The following AFF3 variants were observed in gnomAD, a reference collection of about 807,000 sequenced individuals.
AFF3 encodes the protein AF4/FMR2 family member 3.
A neutral mutation model predicts 129.7 loss-of-function variants in AFF3; 32 were observed. That is an observed-to-expected ratio of 0.25 (90% CI 0.19 to 0.33). The LOEUF (loss-of-function observed/expected upper bound fraction) is 0.33, where lower values mean the gene tolerates loss of function less well. Among genes scored for constraint, AFF3 ranks in the 10% least tolerant of loss-of-function variants. AFF3 has a pLI of 1.00. For synonymous variants in AFF3, 644 were observed against 635.4 expected (o/e 1.01, Z -0.20); for missense variants, 1,373 against 1,592.0 (o/e 0.86, Z 2.34).
chr2:100,107,614 C>T, intron 2 of AFF3: 1 of 651,112 alleles, frequency 1.5e-6, no homozygotes, highest in Non-Finnish European at 1.9e-6. Flanking sequence ...TGAATCAAAC[C>T]ACCCAGCTAA....
At position 99,549,871 on chromosome 2, in the gene AFF3, G is replaced by A; in HGVS notation, c.*1603C>T. 4.5e-6 allele frequency: 1 copy of A among 222,164 alleles called. No homozygotes were observed. The highest frequency in any genetic ancestry group is 6.6e-5 in the East Asian group (1 of 15,246). 13.8% of individuals were successfully genotyped at this position (222,164 alleles called of 1,614,324 possible). A position where few individuals can be genotyped will look rare whatever the true frequency, so the allele number is the denominator to read the frequency against. ...TGTAAGAATATCAGTGAATGTTTAT[G>A]GATCAGCATCTAGTCTAAGTATTTT... is the stretch of plus-strand genomic sequence containing the variant. On this transcript the variant is annotated 3_prime_UTR_variant, in exon 25 of 25. Coordinates refer to ENST00000672756, the MANE Select transcript of AFF3 (RefSeq NM_001386135.1).
At chr2:99,676,714 C>T (rs555644127) in intron 11 of AFF3, among the ~76,000 whole-genome samples, 1 of 152,268 alleles carries the variant, frequency 6.6e-6, no homozygotes, top group East Asian at 1.9e-4. Flanking sequence ...GCCATTTGCT[C>T]TATTTTCAGG....
At position 99,676,216 on chromosome 2, in the gene AFF3, T is replaced by C. The variant is rs187346445; in HGVS notation, c.1092-3627A>G. On this transcript the variant is annotated intron_variant, in intron 11 of 24. Coordinates refer to ENST00000672756, the MANE Select transcript of AFF3 (RefSeq NM_001386135.1). ...ACGTTCCCTTAGCCCCTCCCCTTCA[T>C]AGCTCTTCAGATCCCTCCCAGGGGA... 1.2e-4 allele frequency among the ~76,000 whole-genome samples: 19 copies of C among 152,232 alleles called. No homozygotes were observed. In the East Asian group the frequency reaches 3.5e-3, roughly 28 times the overall value.
intron 4 of AFF3, among the ~76,000 whole-genome samples, chr2:100,063,700 G>A (rs906710563): frequency 1.3e-5 from 2 of 152,110 alleles, no homozygotes; most frequent in African/African-American, 4.8e-5. Flanking sequence ...GAATAGAAAG[G>A]AAGGAGGAAA....
chr2:100,123,347 A>G (rs1263741670), intron 2 of AFF3, among the ~76,000 whole-genome samples: 1 of 152,234 alleles, frequency 6.6e-6, no homozygotes, highest in African/African-American at 2.4e-5. Context: ...GTCTTGTTAC[A>G]TAGGTGGAAG....
chr2:99,568,014 C>T (rs895547771), intron 19 of AFF3, among the ~76,000 whole-genome samples: 1 of 152,110 alleles, frequency 6.6e-6, no homozygotes, highest in Admixed American at 6.5e-5. Flanking sequence ...CCTCCTGTAC[C>T]CCAGTGTACA....
chr2:99,688,086 C>A (rs1336902085), intron 11 of AFF3, among the ~76,000 whole-genome samples: 1 of 152,220 alleles, frequency 6.6e-6, no homozygotes, highest in African/African-American at 2.4e-5. Flanking sequence ...TCGTGATCCG[C>A]CCGCCTCGGC....
intron 8 of AFF3, among the ~76,000 whole-genome samples, chr2:99,805,886 C>T (rs528837854): frequency 6.6e-6 from 1 of 151,200 alleles, no homozygotes; most frequent in East Asian, 2.0e-4. Flanking sequence ...TTTCATGGAA[C>T]AGGATGCTTT....
At chr2:99,820,835 C>T in intron 8 of AFF3, among the ~76,000 whole-genome samples, 1 of 147,600 alleles carries the variant, frequency 6.8e-6, no homozygotes, top group Non-Finnish European at 1.5e-5. Flanking sequence ...CACACAGGGC[C>T]AGGATCATCA....
chr2:100,045,250 A>T (rs1444554590), intron 4 of AFF3, among the ~76,000 whole-genome samples: 1 of 152,208 alleles, frequency 6.6e-6, no homozygotes, highest in Admixed American at 6.5e-5. Context: ...CAACTGAGCT[A>T]GGGAGCAGCT....
chr2:99,722,522 C>T (rs1262545185), intron 11 of AFF3, among the ~76,000 whole-genome samples: 1 of 152,140 alleles, frequency 6.6e-6, no homozygotes, highest in Non-Finnish European at 1.5e-5. Flanking sequence ...AAGCACACAC[C>T]CCTTCTGGGG....
At position 99,754,002 on chromosome 2, in the gene AFF3, T is replaced by A. The variant is rs1465720309; in HGVS notation, c.922-1701A>T. Among the ~76,000 whole-genome samples the A allele has an allele frequency of 2.0e-5, 3 of 152,270 alleles. No individual in the cohort carries two copies. The East Asian group carries it at 5.8e-4, about 29-fold the overall frequency. On this transcript the variant is annotated intron_variant, in intron 8 of 24. Coordinates refer to ENST00000672756, the MANE Select transcript of AFF3 (RefSeq NM_001386135.1). Reference sequence around the variant, plus strand: ...ATGGAGTCAAGGAACTATTCGTCATTCTCAGAGTTGGGCCACCTTGTCTAG... The same window carrying A: ...ATGGAGTCAAGGAACTATTCGTCATACTCAGAGTTGGGCCACCTTGTCTAG...
chr2:99,881,961 G>A (rs1043424645), intron 7 of AFF3, among the ~76,000 whole-genome samples: 2 of 152,210 alleles, frequency 1.3e-5, no homozygotes, highest in Non-Finnish European at 2.9e-5. Flanking sequence ...TGACTGAACA[G>A]CTCTGCTGGG....
chr2:99,664,601 C>T (rs1286949019), intron 12 of AFF3, among the ~76,000 whole-genome samples: 1 of 152,142 alleles, frequency 6.6e-6, no homozygotes, highest in East Asian at 1.9e-4. Flanking sequence ...TTTTTGTCAT[C>T]TCTGTCAATA....
intron 1 of AFF3, among the ~76,000 whole-genome samples, chr2:100,134,855 G>C (rs183970530): frequency 6.6e-6 from 1 of 152,300 alleles, no homozygotes; most frequent in Admixed American, 6.5e-5. Flanking sequence ...CATTCTAATG[G>C]AAACAGCAGA....
chr2:100,104,725 G>A (rs1412916977), intron 3 of AFF3: 2 of 928,024 alleles, frequency 2.2e-6, no homozygotes, highest in African/African-American at 4.0e-5. Flanking sequence ...TCGCCGCGCC[G>A]CCGCCGCCCC....
chr2:99,581,176 C>G (rs9808393), intron 17 of AFF3, among the ~76,000 whole-genome samples: 30,682 of 152,160 alleles, frequency 0.2, 3,473 homozygotes, highest in East Asian at 0.36. Flanking sequence ...ATGAGCACCT[C>G]TTCGGTGAAA....
At chr2:99,758,403 A>G (rs1178274862) in intron 8 of AFF3, among the ~76,000 whole-genome samples, 1 of 152,244 alleles carries the variant, frequency 6.6e-6, no homozygotes, top group East Asian at 1.9e-4. Flanking sequence ...CTTGGCCAAC[A>G]TAGTGAAACC....
chr2:100,126,020 T>C (rs974459619), intron 2 of AFF3, among the ~76,000 whole-genome samples: 91 of 152,298 alleles, frequency 6.0e-4, no homozygotes, highest in Non-Finnish European at 1.0e-3. Flanking sequence ...GGATTTGATG[T>C]ATGGGATCTA....
Sources: gnomAD v4.1 joint callset for allele counts (sites outside exome capture counted in the v4.1 genomes callset) on GRCh38, gnomAD v4.1.1 for gene constraint, MANE v1.5 for transcripts, NCBI Gene and HGNC (gene_info 2026-07-23, HGNC 2026-07-21) for gene names.